MAGI2: variants seen among roughly 807,000 people sequenced by gnomAD.
MAGI2 encodes membrane-associated guanylate kinase, WW and PDZ domain-containing protein 2.
MAGI2 carries 35 observed loss-of-function variants against 133.3 expected under a neutral mutation model. That is an observed-to-expected ratio of 0.26 (90% confidence interval 0.20 to 0.35). The LOEUF (loss-of-function observed/expected upper bound fraction) is 0.35, where lower values mean the gene tolerates loss of function less well. Ranked by LOEUF, MAGI2 falls within the 10% of genes least tolerant of loss-of-function variation. The pLI, the probability that MAGI2 is intolerant of heterozygous loss-of-function variation, is 1.00. For missense variants in MAGI2, 1,636 were observed against 1,863.4 expected (o/e 0.88, Z 2.25); for synonymous variants, 729 against 710.6 (o/e 1.03, Z -0.41).
At chr7:78,281,498 T>A (rs767184395) in intron 9 of MAGI2, among the ~76,000 whole-genome samples, 1 of 152,158 alleles carries the variant, frequency 6.6e-6, no homozygotes, top group Admixed American at 6.5e-5. Flanking sequence ...CTTCCTCTTA[T>A]CCTTCCACCA....
rs1819931807 is a variant in MAGI2, at chr7:78,117,006, A to G, written c.3567+8688T>C. Among the ~76,000 whole-genome samples, 3 of 151,626 alleles carry G rather than the reference A, an allele frequency of 2.0e-5. No individual in the cohort carries two copies. The Admixed American group carries it at 2.0e-4, about 10-fold the overall frequency. On this transcript the variant is annotated intron_variant, in intron 20 of 21. Transcript: ENST00000354212. Reference sequence around the variant, plus strand: ...AAAAGCAATAGAAAATCTGAAGATAATTATTTAGAAACATAATTAGTGAAC... The same window carrying G: ...AAAAGCAATAGAAAATCTGAAGATAGTTATTTAGAAACATAATTAGTGAAC...
chr7:78,360,629 G>C (rs1034173759), intron 7 of MAGI2, among the ~76,000 whole-genome samples: 5 of 152,200 alleles, frequency 3.3e-5, no homozygotes, highest in African/African-American at 1.2e-4. Flanking sequence ...TTGGTGAGTG[G>C]CAAACAGGAT....
At chr7:79,362,146 A>G (rs1842416846) in intron 1 of MAGI2, among the ~76,000 whole-genome samples, 1 of 152,184 alleles carries the variant, frequency 6.6e-6, no homozygotes, top group Admixed American at 6.5e-5. Flanking sequence ...TAAAAAAACA[A>G]TAAAATTGAC....
At chr7:78,023,983 A>T (rs1285500758) in intron 21 of MAGI2, among the ~76,000 whole-genome samples, 1 of 152,216 alleles carries the variant, frequency 6.6e-6, no homozygotes, top group African/African-American at 2.4e-5. Context: ...TATGTAGGTT[A>T]TATGCAAATA....
intron 1 of MAGI2, among the ~76,000 whole-genome samples, chr7:79,277,376 A>G (rs565871542): frequency 2.6e-5 from 4 of 152,328 alleles, no homozygotes; most frequent in Admixed American, 1.3e-4. Flanking sequence ...TTAGTAGACT[A>G]TAGTACAATG....
At chr7:78,109,145 A>T (rs574956798) in intron 20 of MAGI2, among the ~76,000 whole-genome samples, 2 of 150,812 alleles carry the variant, frequency 1.3e-5, no homozygotes, top group East Asian at 3.9e-4. Context: ...TCTACTAAAA[A>T]TACAAAATAT....
intron 2 of MAGI2, among the ~76,000 whole-genome samples, chr7:78,827,826 C>A (rs1046624728): frequency 1.4e-4 from 21 of 151,994 alleles, no homozygotes; most frequent in African/African-American, 5.1e-4. Flanking sequence ...CAGAAGAATT[C>A]AAAATAAATT....
Position 78,831,406 on chromosome 7 carries a change from C to CT in MAGI2, c.418+175683dup, listed in dbSNP as rs200072939. On this transcript the variant is annotated intron_variant, in intron 2 of 21. Transcript: ENST00000354212. ...TATAAGCTCAGAACTTTAAAATTAT[C>CT]TTTTTTTTTTTTTGAGACAAATTCT... Among the ~76,000 whole-genome samples the CT allele has an allele frequency of 4.8e-3, 705 of 145,696 alleles. 1 individual carries two copies. Among genetic ancestry groups the CT allele is most frequent in the African/African-American group, 7.5e-3 (301 of 40,060 alleles).
At chr7:79,146,829 GATAAT>G (rs1163878379) in intron 1 of MAGI2, among the ~76,000 whole-genome samples, 3 of 152,208 alleles carry the variant, frequency 2.0e-5, no homozygotes, top group African/African-American at 7.2e-5. Flanking sequence ...TAACACAATG[GATAAT>G]GTCTTTTCCA....
At chr7:78,383,730 T>G (rs1383109050) in intron 6 of MAGI2, among the ~76,000 whole-genome samples, 1 of 152,144 alleles carries the variant, frequency 6.6e-6, no homozygotes, top group African/African-American at 2.4e-5. Flanking sequence ...TTTATGGTTT[T>G]GGGTCTTATG....
intron 21 of MAGI2, among the ~76,000 whole-genome samples, chr7:78,038,537 T>C (rs1241462238): frequency 1.3e-5 from 2 of 151,990 alleles, no homozygotes; most frequent in African/African-American, 4.8e-5. Context: ...CAAAGTGTCC[T>C]CTGTGGACCA....
chr7:79,086,578 T>G (rs1816514172), intron 1 of MAGI2, among the ~76,000 whole-genome samples: 2 of 151,886 alleles, frequency 1.3e-5, no homozygotes, highest in Admixed American at 6.6e-5. Flanking sequence ...ATTTATTTAT[T>G]TTTTTGCCAG....
chr7:78,527,832 TATA>T (rs1797109679), intron 3 of MAGI2, among the ~76,000 whole-genome samples: 1 of 152,212 alleles, frequency 6.6e-6, no homozygotes, highest in Non-Finnish European at 1.5e-5. Flanking sequence ...CCTTTTGGTG[TATA>T]ATAATATGTG....
At chr7:79,392,973 C>T (rs1382164772) in intron 1 of MAGI2, among the ~76,000 whole-genome samples, 1 of 152,124 alleles carries the variant, frequency 6.6e-6, no homozygotes, top group Non-Finnish European at 1.5e-5. Context: ...TGTCTTCCCT[C>T]CACTCTCAGA....
chr7:79,245,540 C>T (rs1216962738), intron 1 of MAGI2, among the ~76,000 whole-genome samples: 1 of 152,182 alleles, frequency 6.6e-6, no homozygotes, highest in Non-Finnish European at 1.5e-5. Context: ...GGGGAGACCC[C>T]TCTGCATGTG....
chr7:78,033,485 AAAAAAAAG>A (rs1397768814), intron 21 of MAGI2, among the ~76,000 whole-genome samples: 2 of 104,044 alleles, frequency 1.9e-5, no homozygotes, highest in Non-Finnish European at 4.2e-5. Context: ...AAAAAAAAAA[AAAAAAAAG>A]AAAAAAGAAA....
chr7:79,020,624 G>A (rs1181766046), intron 1 of MAGI2, among the ~76,000 whole-genome samples: 3 of 152,044 alleles, frequency 2.0e-5, no homozygotes, highest in Non-Finnish European at 2.9e-5. Context: ...AAATTAGCTG[G>A]ACATGGTGGC....
Position 78,160,136 on chromosome 7 carries a change from C to T in MAGI2, c.2734G>A (p.Ala912Thr), listed in dbSNP as rs760517354. Reference sequence around the variant, plus strand: ...TCACTGGTCTGCAGGCTGTGGGAGGCGAAGCCTTCAGGGGGAGAGGCATTG... The same window carrying T: ...TCACTGGTCTGCAGGCTGTGGGAGGTGAAGCCTTCAGGGGGAGAGGCATTG... ...SSNASPPEGF[A>T]SHSLQTSDVV... is the part of the protein sequence containing the mutation. The change falls in exon 16 of 22, where the codon GCC (alanine) becomes ACC (threonine). Residue 912 changes from alanine to threonine, a missense_variant. Ala to Thr is a moderately conservative substitution (Grantham distance 58). Around this residue, in one of 5 missense-constraint regions of MAGI2, gnomAD observed 920 missense variants for 1,093.5 expected, o/e 0.84. Transcript: ENST00000354212. The T allele has an allele frequency of 3.4e-5, 54 of 1,611,702 alleles. No homozygotes were observed. The highest frequency in any genetic ancestry group is 1.6e-4 in the South Asian group (14 of 90,254).
At chr7:78,232,389 C>A (rs1310764708) in intron 10 of MAGI2, among the ~76,000 whole-genome samples, 1 of 152,106 alleles carries the variant, frequency 6.6e-6, no homozygotes, top group Non-Finnish European at 1.5e-5. Context: ...AACATAAAAA[C>A]ATAATACTAA....
Sources: allele counts gnomAD v4.1 joint callset (sites outside exome capture counted in the v4.1 genomes callset), GRCh38; gene constraint gnomAD v4.1.1; regional missense constraint gnomAD v4.1.1; transcripts MANE v1.5; gene names NCBI Gene and HGNC (gene_info 2026-07-23, HGNC 2026-07-21).